The following PDE11A variants were observed in gnomAD, a reference collection of about 807,000 sequenced individuals.
PDE11A encodes the protein dual 3',5'-cyclic-AMP and -GMP phosphodiesterase 11A.
PDE11A carries 100 observed loss-of-function variants against 100.5 expected under a neutral mutation model. The observed-to-expected ratio is 1.00, with a 90% CI of 0.85 to 1.18. PDE11A has a LOEUF of 1.18. PDE11A is among the 50% of genes most tolerant of loss of function. The probability of loss-of-function intolerance (pLI) is 0.00; values close to 1 mark genes in which losing one functional copy is unlikely to be tolerated. For synonymous variants in PDE11A, 381 were observed against 420.8 expected, an observed-to-expected ratio of 0.91 and a Z score of 1.16; for missense variants, 1,141 against 1,152.6, an observed-to-expected ratio of 0.99 and a Z score of 0.15.
Position 177,830,704 on chromosome 2 carries a change from A to AT in PDE11A, c.1500+9546dup, listed in dbSNP as rs546309864. On this transcript the variant is annotated intron_variant, in intron 6 of 19. Transcript: ENST00000286063. ...GTGATCTGTTTTGCTGCAATAGAAA[A>AT]TTAATATACATAATAACCCTGACAA... 1.9e-4 allele frequency among the ~76,000 whole-genome samples: 29 copies of AT among 151,222 alleles called. No individual in the cohort carries two copies. The South Asian group carries it at 6.0e-3, about 32-fold the overall frequency.
intron 2 of PDE11A, among the ~76,000 whole-genome samples, chr2:178,090,034 G>A (rs1020812775): frequency 1.3e-5 from 2 of 152,172 alleles, no homozygotes; most frequent in Non-Finnish European, 2.9e-5. Context: ...TGTAACTGGG[G>A]CCCTGAACTG....
intron 1 of PDE11A, among the ~76,000 whole-genome samples, chr2:178,026,522 G>A (rs935184632): frequency 9.9e-5 from 15 of 152,006 alleles, no homozygotes; most frequent in East Asian, 1.9e-4. Context: ...TTAGCTGGGC[G>A]TGATGGTAGG....
intron 1 of PDE11A, among the ~76,000 whole-genome samples, chr2:178,029,207 G>C (rs1301294011): frequency 6.6e-6 from 1 of 152,142 alleles, no homozygotes; most frequent in African/African-American, 2.4e-5. Flanking sequence ...GACATGAAAA[G>C]TTTATGAAAA....
intron 2 of PDE11A, among the ~76,000 whole-genome samples, chr2:177,947,030 G>C (rs796643505): frequency 1.0e-5 from 1 of 96,414 alleles, no homozygotes; most frequent in Admixed American, 9.3e-5. Flanking sequence ...TCAGCCCCCC[G>C]CCCGGCCAGC....
chr2:177,855,969 G>A (rs1299561072), intron 5 of PDE11A, among the ~76,000 whole-genome samples: 1 of 149,382 alleles, frequency 6.7e-6, no homozygotes, highest in Non-Finnish European at 1.5e-5. Context: ...AGAATGTCTG[G>A]GAAAGAACTG....
rs150935148 is a variant in PDE11A at position 178,081,966 on chromosome 2, T to C, written c.162+22336A>G. Among the ~76,000 whole-genome samples, 425 of 152,332 alleles carry C rather than the reference T, an allele frequency of 2.8e-3. 3 individuals carry two copies. Among genetic ancestry groups the C allele is most frequent in the African/African-American group, 9.4e-3 (392 of 41,590 alleles). On this transcript the variant is annotated intron_variant, in intron 2 of 20. Transcript: ENST00000358450. ...TGGCTTTTCTCATTTAGATTTCCAATTGAAGTGGGAGCAGTGCTATCTGTC... is the reference window on the plus strand; with the variant it reads ...TGGCTTTTCTCATTTAGATTTCCAACTGAAGTGGGAGCAGTGCTATCTGTC...
intron 19 of PDE11A, among the ~76,000 whole-genome samples, chr2:177,637,014 A>G (rs1285158326): frequency 6.6e-6 from 1 of 152,220 alleles, no homozygotes; most frequent in Non-Finnish European, 1.5e-5. Flanking sequence ...TCTTGGGCCA[A>G]ATACATACTC....
chr2:177,651,994 T>A (rs1527403), intron 19 of PDE11A, among the ~76,000 whole-genome samples: 1 of 152,156 alleles, frequency 6.6e-6, no homozygotes, highest in African/African-American at 2.4e-5. Flanking sequence ...CCTGAAAGCA[T>A]AAGATGCTGA....
intron 2 of PDE11A, among the ~76,000 whole-genome samples, chr2:178,004,291 TCCAAGAAAGGCAGAGATACCCA>T (rs1353925321): frequency 6.6e-5 from 10 of 151,520 alleles, no homozygotes; most frequent in Non-Finnish European, 1.0e-4. Flanking sequence ...GGAAAAAAAA[TCCAAGAAAGGCAGAGATACCCA>T]ATTCAAAGAT....
intron 5 of PDE11A, among the ~76,000 whole-genome samples, chr2:177,853,678 A>ATG (rs2083765478): frequency 8.9e-5 from 3 of 33,866 alleles, no homozygotes; most frequent in African/African-American, 3.0e-4. Flanking sequence ...ATATATATAT[A>ATG]TATGTGTGTG....
chr2:178,020,490 ATAACT>A (rs2086393788), intron 1 of PDE11A, among the ~76,000 whole-genome samples: 1 of 152,208 alleles, frequency 6.6e-6, no homozygotes, highest in African/African-American at 2.4e-5. Flanking sequence ...TGATAAACTG[ATAACT>A]TAAAGAGAAA....
chr2:177,688,578 CATT>C (rs34790520), intron 15 of PDE11A, among the ~76,000 whole-genome samples: 29,249 of 152,134 alleles, frequency 0.19, 2,952 homozygotes, highest in Non-Finnish European at 0.22. Flanking sequence ...GGAACTGTAT[CATT>C]AACTTCTCAC....
intron 10 of PDE11A, among the ~76,000 whole-genome samples, chr2:177,756,262 C>A (rs964394060): frequency 3.3e-5 from 5 of 152,186 alleles, no homozygotes; most frequent in Non-Finnish European, 7.3e-5. Context: ...CCCTCACACA[C>A]AACTCCTCAG....
intron 2 of PDE11A, among the ~76,000 whole-genome samples, chr2:177,956,316 T>C (rs1183441769): frequency 1.3e-5 from 2 of 152,084 alleles, no homozygotes; most frequent in African/African-American, 4.8e-5. Flanking sequence ...AAAATGCTCA[T>C]CATCACTGGC....
In PDE11A at chr2:177,816,023, C is replaced by T. The variant is rs572402935; in HGVS notation, c.1737+806G>A. 8.5e-5 allele frequency among the ~76,000 whole-genome samples: 13 copies of T among 152,124 alleles called. No individual in the cohort carries two copies. In the South Asian group the frequency reaches 2.1e-3, roughly 24 times the overall value. On this transcript the variant is annotated intron_variant, in intron 9 of 19. Coordinates refer to ENST00000286063, the MANE Select transcript of PDE11A (RefSeq NM_016953.4). Reference sequence around the variant, plus strand: ...GTCAGGAGTTCAAGACCAGCCTGGCCAACATAGTGAAACCTCATCTCTGCT... The same window carrying T: ...GTCAGGAGTTCAAGACCAGCCTGGCTAACATAGTGAAACCTCATCTCTGCT...
rs145795911 is a variant in PDE11A at position 177,918,731 on chromosome 2, T to G, written c.1072-13544A>C. ...AATATTTGCAAATCTGATGTAAACT[T>G]GTATATTTTAAGCAAAATATAAATT... is the stretch of plus-strand genomic sequence containing the variant. On this transcript the variant is annotated intron_variant, in intron 2 of 19. Coordinates refer to ENST00000286063, the MANE Select transcript of PDE11A (RefSeq NM_016953.4). 4.4e-3 allele frequency among the ~76,000 whole-genome samples: 668 copies of G among 152,298 alleles called. 2 individuals are homozygous for G. The highest frequency in any genetic ancestry group is 0.015 in the African/African-American group (643 of 41,584).
At chr2:177,874,996 G>T (rs1338929347) in intron 5 of PDE11A, among the ~76,000 whole-genome samples, 1 of 152,096 alleles carries the variant, frequency 6.6e-6, no homozygotes, top group Non-Finnish European at 1.5e-5. Flanking sequence ...GGCCAAGACG[G>T]GCAGATCACT....
intron 5 of PDE11A, among the ~76,000 whole-genome samples, chr2:177,841,054 T>C (rs145268612): frequency 2.5e-4 from 38 of 152,362 alleles, no homozygotes; most frequent in African/African-American, 9.1e-4. Flanking sequence ...TTAACATTAA[T>C]AATTAAAACT....
chr2:177,673,475 A>G (rs1285910780), intron 17 of PDE11A, among the ~76,000 whole-genome samples: 2 of 152,196 alleles, frequency 1.3e-5, no homozygotes, highest in Admixed American at 6.5e-5. Context: ...TCACCACTCC[A>G]CATTGCTATG....
Sources: allele counts gnomAD v4.1 joint callset (sites outside exome capture counted in the v4.1 genomes callset), GRCh38; gene constraint gnomAD v4.1.1; transcripts MANE v1.5; gene names NCBI Gene and HGNC (gene_info 2026-07-23, HGNC 2026-07-21).